YWHAQ: variants seen among roughly 807,000 people sequenced by gnomAD.
YWHAQ encodes the protein 14-3-3 protein theta.
A neutral mutation model predicts 28.3 loss-of-function variants in YWHAQ; 6 were observed. The ratio of observed to expected loss-of-function variants is 0.21; its 90% CI spans 0.12 to 0.42. YWHAQ has a LOEUF of 0.42. Ranked by LOEUF, YWHAQ falls within the 10% of genes least tolerant of loss-of-function variation. The pLI, the probability that YWHAQ is intolerant of heterozygous loss-of-function variation, is 1.00. For synonymous variants in YWHAQ, 143 were observed against 119.1 expected, an observed-to-expected ratio of 1.20 and a Z score of -1.31; for missense variants, 201 against 305.6, an observed-to-expected ratio of 0.66 and a Z score of 2.55.
chr2:9,629,920 C>T (rs998733894), intron 2 of YWHAQ, among the ~76,000 whole-genome samples: 4 of 152,056 alleles, frequency 2.6e-5, no homozygotes, highest in Non-Finnish European at 4.4e-5. Context: ...TTCCAAGTTC[C>T]ATCGTTTGGT....
intron 2 of YWHAQ, chr2:9,628,716 A>G (rs1486871401): frequency 2.0e-5 from 3 of 152,230 alleles, no homozygotes; most frequent in Admixed American, 2.0e-4. Flanking sequence ...CAAGTTGGCA[A>G]AATTTTTTAA....
chr2:9,612,427 T>C (rs144754714), intron 2 of YWHAQ, among the ~76,000 whole-genome samples: 17 of 152,322 alleles, frequency 1.1e-4, no homozygotes, highest in African/African-American at 3.1e-4. Flanking sequence ...TTCCAGGTAA[T>C]TTAAATGGTA....
intron 2 of YWHAQ, among the ~76,000 whole-genome samples, chr2:9,612,708 C>T (rs544217822): frequency 6.6e-6 from 1 of 152,248 alleles, no homozygotes; most frequent in Admixed American, 6.5e-5. Context: ...AGGAATACAG[C>T]AGGTATTGGG....
Position 9,587,631 on chromosome 2 carries a change from C to A in YWHAQ, c.583-122G>T, listed in dbSNP as rs76382319. ...CCTTATGTTCTACCATCAACAAACT[C>A]AACAGAACCATTCTCTCACACTCCC... On this transcript the variant is annotated intron_variant, in intron 4 of 5. Transcript: ENST00000238081. 9.3e-6 allele frequency: 7 copies of A among 750,636 alleles called. No individual in the cohort carries two copies. In the East Asian group the frequency reaches 1.9e-4, roughly 21 times the overall value. The allele number at this position is 750,636 out of a possible 1,614,324, so 46.5% of individuals were successfully genotyped here.
At chr2:9,590,594 C>T (rs762498254) in intron 3 of YWHAQ, among the ~76,000 whole-genome samples, 18 of 152,080 alleles carry the variant, frequency 1.2e-4, no homozygotes, top group Non-Finnish European at 1.8e-4. Flanking sequence ...TGAGATCTAT[C>T]TTATATTCAG....
chr2:9,594,091 G>A (rs1416474594), intron 2 of YWHAQ, among the ~76,000 whole-genome samples: 2 of 151,848 alleles, frequency 1.3e-5, no homozygotes, highest in Non-Finnish European at 2.9e-5. Context: ...TGTGGCTCAA[G>A]TTGGAAAGTT....
Position 9,591,465 on chromosome 2 carries a change from C to G in YWHAQ, c.345G>C (p.Lys115Asn). Residue 115 changes from lysine (K) to asparagine (N), a missense_variant, in exon 3 of 6, where the codon AAG becomes AAC. Around this residue, in one of 2 missense-constraint regions of YWHAQ, gnomAD observed 162 missense variants for 213.9 expected, o/e 0.76. Transcript: ENST00000238081. ...LIANATNPES[K>N]VFYLKMKGDY... is the part of the protein sequence containing the mutation. ...CACCCTTCATTTTCAGATAGAAGAC[C>G]TTACTCTCTGGATTAGTTGCATTGG... 6.2e-7 allele frequency: 1 copy of G among 1,611,718 alleles called. No individual in the cohort carries two copies. The highest frequency in any genetic ancestry group is 8.5e-7 in the Non-Finnish European group (1 of 1,178,212).
rs538069998 is a variant in YWHAQ, at chr2:9,621,354, G to A, written c.294+8805C>T. On this transcript the variant is annotated intron_variant, in intron 2 of 5. Transcript: ENST00000238081. ...GATCAATACCGTTCTATACATTCTC[G>A]TATCTTGAGGATAACAAGACACAGG... Among the ~76,000 whole-genome samples the A allele has an allele frequency of 1.9e-3, 290 of 152,092 alleles. 4 individuals carry two copies. Among genetic ancestry groups the A allele is most frequent in the African/African-American group, 6.6e-3 (275 of 41,492 alleles).
chr2:9,623,511 C>T (rs1228404704), intron 2 of YWHAQ, among the ~76,000 whole-genome samples: 3 of 152,202 alleles, frequency 2.0e-5, no homozygotes, highest in Admixed American at 6.5e-5. Context: ...CAGTGGCTCA[C>T]GCCTATAATC....
intron 5 of YWHAQ, 85 bp from the exon 6 acceptor site, chr2:9,585,430 A>C: frequency 7.2e-7 from 1 of 1,397,250 alleles, no homozygotes; most frequent in Non-Finnish European, 9.8e-7. Context: ...AATTAACTAC[A>C]AGAGTAGTAA....
intron 2 of YWHAQ, chr2:9,628,921 G>C (rs1029837382): frequency 1.3e-5 from 2 of 151,918 alleles, no homozygotes; most frequent in African/African-American, 2.4e-5. Flanking sequence ...CATCAGCCAT[G>C]ATTTTGTCCG....
At chr2:9,606,210 AG>A (rs1045190872) in intron 2 of YWHAQ, among the ~76,000 whole-genome samples, 3 of 152,190 alleles carry the variant, frequency 2.0e-5, no homozygotes, top group Non-Finnish European at 4.4e-5. Context: ...TACTCCCACT[AG>A]CAATGCATAA....
intron 2 of YWHAQ, among the ~76,000 whole-genome samples, chr2:9,624,666 T>C (rs1303352871): frequency 6.6e-6 from 1 of 151,934 alleles, no homozygotes; most frequent in African/African-American, 2.4e-5. Flanking sequence ...TTGCCAAAAT[T>C]CCGCTGGGGG....
chr2:9,590,967 C>T (rs1225687129), intron 3 of YWHAQ, among the ~76,000 whole-genome samples: 2 of 152,168 alleles, frequency 1.3e-5, no homozygotes, highest in African/African-American at 2.4e-5. Flanking sequence ...ATATGACAAA[C>T]AGCAAAAGCA....
At chr2:9,591,141 T>C (rs1666447100) in intron 3 of YWHAQ, among the ~76,000 whole-genome samples, 1 of 152,198 alleles carries the variant, frequency 6.6e-6, no homozygotes, top group African/African-American at 2.4e-5. Flanking sequence ...AAAAGATTAA[T>C]CCTGTTTTAA....
At chr2:9,625,423 T>C (rs1351240757) in intron 2 of YWHAQ, among the ~76,000 whole-genome samples, 3 of 152,202 alleles carry the variant, frequency 2.0e-5, no homozygotes, top group Non-Finnish European at 4.4e-5. Flanking sequence ...CCATCACAGG[T>C]CTACCTTCCT....
Position 9,630,174 on chromosome 2 carries a change from G to C in YWHAQ, c.279C>G (p.Ile93Met). 1 of 1,613,678 alleles carries C rather than the reference G, an allele frequency of 6.2e-7. No homozygotes were observed. Among genetic ancestry groups the C allele is most frequent in the Non-Finnish European group, 8.5e-7 (1 of 1,179,998 alleles). Residue 93 changes from isoleucine (I) to methionine (M), a missense_variant, in exon 2 of 6, where the codon ATC becomes ATG. By Grantham distance (10) the Ile-to-Met change is conservative (BLOSUM62 1). Transcript: ENST00000238081. This position sits in a 1 kb window ranked among gnomAD's most constrained non-coding sequence, Gnocchi z 5.6. Reference protein sequence around the residue: ...REKVESELRSICTTVLELLDK... With the variant: ...REKVESELRSMCTTVLELLDK... ...GAGGACTCACCAGCACCGTGGTGCA[G>C]ATGGATCTCAGCTCGGACTCCACTT...
chr2:9,602,975 G>A (rs533784519), intron 2 of YWHAQ, among the ~76,000 whole-genome samples: 10 of 140,516 alleles, frequency 7.1e-5, no homozygotes, highest in East Asian at 2.4e-4. Flanking sequence ...CTCCTGCTTC[G>A]GCCTCCCCAA....
At chr2:9,628,092 C>T (rs1251652779) in intron 2 of YWHAQ, among the ~76,000 whole-genome samples, 1 of 152,186 alleles carries the variant, frequency 6.6e-6, no homozygotes, top group Non-Finnish European at 1.5e-5. Context: ...CCCCATATTG[C>T]TCAGAGCACA....
Sources: allele counts gnomAD v4.1 joint callset (sites outside exome capture counted in the v4.1 genomes callset), GRCh38; gene constraint gnomAD v4.1.1; regional missense constraint gnomAD v4.1.1; non-coding constraint Gnocchi (gnomAD v3.1); transcripts MANE v1.5; gene names NCBI Gene and HGNC (gene_info 2026-07-23, HGNC 2026-07-21).